The following PDE1C variants were observed in gnomAD, a reference collection of about 807,000 sequenced individuals.
PDE1C encodes the protein dual specificity calcium/calmodulin-dependent 3',5'-cyclic nucleotide phosphodiesterase 1C.
Under a neutral mutation model 93.1 loss-of-function variants are expected in PDE1C, and 62 were observed. The ratio of observed to expected loss-of-function variants is 0.67; its 90% confidence interval spans 0.54 to 0.82. The LOEUF is 0.82. Ranked by LOEUF, PDE1C falls within the 40% of genes least tolerant of loss-of-function variation. PDE1C has a pLI of 0.00. For missense variants in PDE1C, 742 were observed against 884.6 expected (o/e 0.84, Z 2.04); for synonymous variants, 325 against 310.1 (o/e 1.05, Z -0.50).
At chr7:32,388,291 A>G (rs1166202496) in intron 1 of PDE1C, among the ~76,000 whole-genome samples, 1 of 152,210 alleles carries the variant, frequency 6.6e-6, no homozygotes, top group Non-Finnish European at 1.5e-5. Flanking sequence ...GTCAGGAACA[A>G]GGAGAAACCA....
At chr7:31,994,753 G>A (rs912977052) in intron 2 of PDE1C, among the ~76,000 whole-genome samples, 1 of 152,196 alleles carries the variant, frequency 6.6e-6, no homozygotes, top group Non-Finnish European at 1.5e-5. Context: ...AGTGAATCCA[G>A]CCCAAGTTTC....
intron 2 of PDE1C, among the ~76,000 whole-genome samples, chr7:31,980,554 C>T (rs569211423): frequency 6.6e-6 from 1 of 152,156 alleles, no homozygotes; most frequent in Non-Finnish European, 1.5e-5. Flanking sequence ...TCTCACTCTC[C>T]TGATCAAAGA....
rs190323908 is a variant in PDE1C at position 31,983,947 on chromosome 7, G to A, written c.128+67607C>T. 4.1e-4 allele frequency among the ~76,000 whole-genome samples: 62 copies of A among 152,282 alleles called. 1 individual carries two copies. The East Asian group carries it at 0.011, about 27-fold the overall frequency. On this transcript the variant is annotated intron_variant, in intron 2 of 17. Coordinates refer to ENST00000396191, the MANE Select transcript of PDE1C (RefSeq NM_001191057.4). ...GAGTGAAGGAGAGATGTGGGGTGGA[G>A]TAGGTCAAAGATGCTGCAGGCTGCC...
chr7:32,146,642 G>T (rs1350694371), intron 3 of PDE1C, among the ~76,000 whole-genome samples: 3 of 152,046 alleles, frequency 2.0e-5, no homozygotes, highest in Admixed American at 1.3e-4. Flanking sequence ...CCATGTGAGG[G>T]AACACACTCA....
At position 32,008,522 on chromosome 7, in the gene PDE1C, A is replaced by G. The variant is rs543277246; in HGVS notation, c.128+43032T>C. ...CCTACTACTGGGTTCAGGGATTTAA[A>G]CCACAACACTATTTCATAGGTCACC... On this transcript the variant is annotated intron_variant, in intron 2 of 17. Transcript: ENST00000396191. Among the ~76,000 whole-genome samples, 8 of 152,312 alleles carry G rather than the reference A, an allele frequency of 5.3e-5. No individual in the cohort carries two copies. The South Asian group carries it at 1.7e-3, about 32-fold the overall frequency.
At chr7:31,696,952 C>A in the PDE1C span, 366 of 1,613,112 alleles carry the variant, frequency 2.3e-4, no homozygotes, top group African/African-American at 4.4e-3. Flanking sequence ...TCTGTGTTCC[C>A]CTAACCATGC....
the PDE1C span, among the ~76,000 whole-genome samples, chr7:31,681,738 C>T: frequency 3.3e-5 from 5 of 152,308 alleles, no homozygotes; most frequent in East Asian, 5.8e-4. Flanking sequence ...ACTTATTCCC[C>T]TCATGCAAGA....
chr7:31,652,065 G>C, the PDE1C span: 1 of 1,556,506 alleles, frequency 6.4e-7, no homozygotes, highest in Non-Finnish European at 8.8e-7. Flanking sequence ...GGGTGATGGG[G>C]TGTGGAGTTT....
chr7:31,775,895 G>C (rs560647934), intron 16 of PDE1C, among the ~76,000 whole-genome samples, 163 bp from the exon 17 acceptor site: 1 of 152,352 alleles, frequency 6.6e-6, no homozygotes, highest in East Asian at 1.9e-4. Flanking sequence ...GTCCAGAAAA[G>C]CTGGGAGCAT....
intron 1 of PDE1C, among the ~76,000 whole-genome samples, chr7:32,062,237 T>A (rs1161035320): frequency 1.3e-5 from 2 of 152,176 alleles, no homozygotes; most frequent in Non-Finnish European, 2.9e-5. Flanking sequence ...TTAATTCCAC[T>A]TTCTTCCTCA....
chr7:31,808,563 A>G (rs1787140207), intron 16 of PDE1C, among the ~76,000 whole-genome samples: 1 of 151,984 alleles, frequency 6.6e-6, no homozygotes, highest in African/African-American at 2.4e-5. Context: ...CAACATTAGC[A>G]CTATAAAGAC....
chr7:31,945,857 T>A (rs995652343), intron 2 of PDE1C, among the ~76,000 whole-genome samples: 10 of 152,210 alleles, frequency 6.6e-5, no homozygotes, highest in Non-Finnish European at 1.5e-4. Flanking sequence ...TTGTTCCATT[T>A]TTTTCCATTC....
chr7:32,173,942 G>T (rs1393707716), intron 2 of PDE1C, among the ~76,000 whole-genome samples: 1 of 152,042 alleles, frequency 6.6e-6, no homozygotes, highest in Non-Finnish European at 1.5e-5. Flanking sequence ...CCTCCCTTGG[G>T]GTGTCCATCC....
intron 1 of PDE1C, among the ~76,000 whole-genome samples, chr7:32,318,509 G>A (rs1031717624): frequency 6.6e-6 from 1 of 152,182 alleles, no homozygotes; most frequent in Admixed American, 6.5e-5. Flanking sequence ...TGCCCGCCAC[G>A]CACAGAAGGG....
At chr7:31,726,629 C>A in the PDE1C span, among the ~76,000 whole-genome samples, 2 of 152,210 alleles carry the variant, frequency 1.3e-5, no homozygotes, top group Non-Finnish European at 2.9e-5. Flanking sequence ...ATTCTCCAAA[C>A]CACAAAATAA....
chr7:31,779,601 G>T (rs1392163117), intron 16 of PDE1C, among the ~76,000 whole-genome samples: 1 of 152,112 alleles, frequency 6.6e-6, no homozygotes, highest in African/African-American at 2.4e-5. Context: ...AATATATCAG[G>T]ACAGGGATGA....
the PDE1C span, among the ~76,000 whole-genome samples, chr7:31,680,324 C>T: frequency 6.6e-6 from 1 of 152,110 alleles, no homozygotes; most frequent in South Asian, 2.1e-4. Flanking sequence ...CAGATCTACC[C>T]GTTTCATTGA....
the PDE1C span, chr7:31,695,487 T>A: frequency 6.2e-7 from 1 of 1,609,378 alleles, no homozygotes; most frequent in South Asian, 1.1e-5. Context: ...TCAGACCAGT[T>A]CATTAAGGAC....
At chr7:31,841,033 T>C (rs1174682739) in intron 9 of PDE1C, among the ~76,000 whole-genome samples, 1 of 152,108 alleles carries the variant, frequency 6.6e-6, no homozygotes, top group East Asian at 1.9e-4. Flanking sequence ...ATGATGACAG[T>C]ATATCTCTCT....
Sources: gnomAD v4.1 joint callset for allele counts (sites outside exome capture counted in the v4.1 genomes callset) on GRCh38, gnomAD v4.1.1 for gene constraint, MANE v1.5 for transcripts, NCBI Gene and HGNC (gene_info 2026-07-23, HGNC 2026-07-21) for gene names.